The following SGCD variants were observed in gnomAD, a reference collection of about 807,000 sequenced individuals.
SGCD encodes the protein sarcoglycan delta.
Under a neutral mutation model 36.6 loss-of-function variants are expected in SGCD, and 18 were observed. The ratio of observed to expected loss-of-function variants is 0.49; its 90% CI spans 0.34 to 0.73. The LOEUF is 0.73. Among genes scored for constraint, SGCD ranks in the 30% least tolerant of loss-of-function variants. SGCD has a pLI of 0.01. For missense variants in SGCD, 387 were observed against 346.7 expected, an observed-to-expected ratio of 1.12 and a Z score of -0.92; for synonymous variants, 133 against 130.6, an observed-to-expected ratio of 1.02 and a Z score of -0.12.
chr5:155,856,285 AT>A, the SGCD span, among the ~76,000 whole-genome samples: 1 of 152,338 alleles, frequency 6.6e-6, no homozygotes, highest in Non-Finnish European at 1.5e-5. Flanking sequence ...AAATACAGTA[AT>A]AAAAACATTG....
intron 3 of SGCD, among the ~76,000 whole-genome samples, chr5:156,356,872 T>C (rs1769520239): frequency 6.6e-6 from 1 of 152,026 alleles, no homozygotes; most frequent in Admixed American, 6.6e-5. Flanking sequence ...GGCAATATGA[T>C]CAGAGAAGCA....
In SGCD at chr5:155,987,318, G is replaced by A. The variant is rs557779968; in HGVS notation, c.-282+116894G>A. Among the ~76,000 whole-genome samples, 32 of 152,192 alleles carry A rather than the reference G, an allele frequency of 2.1e-4. No homozygotes were observed. In the South Asian group the frequency reaches 3.9e-3, roughly 19 times the overall value. Reference sequence around the variant, plus strand: ...TTTCCTTAACCTTCCAAATTCCACTGGAGTCTAAGATTCATCTTTCTACCT... The same window carrying A: ...TTTCCTTAACCTTCCAAATTCCACTAGAGTCTAAGATTCATCTTTCTACCT... On this transcript the variant is annotated intron_variant, in intron 1 of 9. Transcript: ENST00000517913.
chr5:156,228,173 A>G (rs1012270046), intron 3 of SGCD, among the ~76,000 whole-genome samples: 2 of 152,178 alleles, frequency 1.3e-5, no homozygotes, highest in African/African-American at 2.4e-5. Flanking sequence ...GTATCAAGGT[A>G]TAATTTAAAT....
chr5:156,604,850 A>C (rs422664), intron 6 of SGCD, among the ~76,000 whole-genome samples: 15,466 of 148,578 alleles, frequency 0.1, 1,081 homozygotes, highest in Admixed American at 0.16. Flanking sequence ...ATATATACAT[A>C]TATAATGTGT....
chr5:155,815,915 T>C, the SGCD span, among the ~76,000 whole-genome samples: 1 of 152,196 alleles, frequency 6.6e-6, no homozygotes, highest in Admixed American at 6.5e-5. Context: ...TTTTGCACAT[T>C]GGAAAACATT....
intron 3 of SGCD, among the ~76,000 whole-genome samples, chr5:156,256,814 G>A (rs918849759): frequency 8.5e-5 from 13 of 152,086 alleles, no homozygotes; most frequent in African/African-American, 2.2e-4. Flanking sequence ...TTATCTTTGC[G>A]ATAATTCTAA....
intron 3 of SGCD, among the ~76,000 whole-genome samples, chr5:156,219,432 C>T (rs560672407): frequency 1.9e-4 from 29 of 152,078 alleles, no homozygotes; most frequent in Middle Eastern, 6.8e-3. Flanking sequence ...CCATTCTTGT[C>T]GGACATAGTA....
intron 3 of SGCD, among the ~76,000 whole-genome samples, chr5:156,468,840 A>G (rs1754829299): frequency 6.6e-6 from 1 of 152,184 alleles, no homozygotes. Flanking sequence ...AATAATAAAA[A>G]AACTAGCCAG....
At chr5:155,977,173 C>G (rs1399053393) in intron 1 of SGCD, among the ~76,000 whole-genome samples, 1 of 152,258 alleles carries the variant, frequency 6.6e-6, no homozygotes, top group Non-Finnish European at 1.5e-5. Context: ...TGCCCTGGCC[C>G]CTTGTTTGTC....
At chr5:156,632,425 C>G (rs969635202) in intron 6 of SGCD, among the ~76,000 whole-genome samples, 1 of 152,188 alleles carries the variant, frequency 6.6e-6, no homozygotes. Context: ...CCTCCTTTGT[C>G]TCATATGCAG....
intron 6 of SGCD, among the ~76,000 whole-genome samples, chr5:156,608,402 TGA>T (rs1354828275): frequency 9.9e-5 from 15 of 152,214 alleles, no homozygotes; most frequent in African/African-American, 2.4e-5. Context: ...CACTGTGGTC[TGA>T]GAGACAGTTT....
rs1373946108 is a variant in SGCD at position 156,760,305 on chromosome 5, C to G, written c.*915C>G. 1.3e-5 allele frequency: 2 copies of G among 152,162 alleles called. No individual in the cohort carries two copies. Among genetic ancestry groups the G allele is most frequent in the African/African-American group, 4.8e-5 (2 of 41,436 alleles). 9.4% of individuals were successfully genotyped at this position (152,162 alleles called of 1,614,324 possible). On this transcript the variant is annotated 3_prime_UTR_variant, in exon 9 of 9. Coordinates refer to ENST00000337851, the MANE Select transcript of SGCD (RefSeq NM_000337.6). ...CCAAAAGATTTCAACCCACAATGAT[C>G]AGGTCAATCAAAATCCCTAAGAGCA...
intron 1 of SGCD, among the ~76,000 whole-genome samples, chr5:155,898,354 T>C (rs1207837461): frequency 6.6e-6 from 1 of 152,232 alleles, no homozygotes; most frequent in Non-Finnish European, 1.5e-5. Context: ...ATTTAATTCA[T>C]TAATTAATTC....
intron 1 of SGCD, among the ~76,000 whole-genome samples, chr5:156,105,301 C>T (rs1193046517): frequency 6.6e-6 from 1 of 152,182 alleles, no homozygotes; most frequent in African/African-American, 2.4e-5. Context: ...AAAGACCACA[C>T]ACACACAAGT....
chr5:155,933,094 AGTTCCTAT>A (rs1757129737), intron 1 of SGCD, among the ~76,000 whole-genome samples: 1 of 152,222 alleles, frequency 6.6e-6, no homozygotes, highest in South Asian at 2.1e-4. Flanking sequence ...CAAACCTCAA[AGTTCCTAT>A]GTCATCTGGC....
chr5:156,482,813 GTTT>G (rs3074979), intron 3 of SGCD, among the ~76,000 whole-genome samples: 13 of 83,380 alleles, frequency 1.6e-4, no homozygotes, highest in African/African-American at 2.0e-4. Context: ...CTTTTGGTCA[GTTT>G]TTTTTTTTTT....
intron 7 of SGCD, among the ~76,000 whole-genome samples, chr5:156,694,346 T>G (rs1221326359): frequency 6.6e-6 from 1 of 152,242 alleles, no homozygotes; most frequent in Non-Finnish European, 1.5e-5. Context: ...CAGCATTCAC[T>G]GACAGTTCCT....
intron 3 of SGCD, among the ~76,000 whole-genome samples, chr5:156,316,900 A>G (rs540224504): frequency 6.6e-6 from 1 of 152,198 alleles, no homozygotes; most frequent in African/African-American, 2.4e-5. Context: ...GCCTGGATTC[A>G]ATTAGTTTTA....
rs191447414 is a variant in SGCD at position 155,899,217 on chromosome 5, A to C, written c.-282+28793A>C. Among the ~76,000 whole-genome samples, 1,310 of 152,292 alleles carry C rather than the reference A, an allele frequency of 8.6e-3. 11 individuals are homozygous for C. The highest frequency in any genetic ancestry group is 0.01 in the Middle Eastern group (3 of 294). On this transcript the variant is annotated intron_variant, in intron 1 of 9. Transcript: ENST00000517913. ...GAAAGCTGCTCCTGTTGGTAACCCC[A>C]AAAAAACCACAAGTGGAAGTCATAT... is the stretch of plus-strand genomic sequence containing the variant.
Sources: allele counts gnomAD v4.1 joint callset (sites outside exome capture counted in the v4.1 genomes callset), GRCh38; gene constraint gnomAD v4.1.1; transcripts MANE v1.5; gene names NCBI Gene and HGNC (gene_info 2026-07-23, HGNC 2026-07-21).